Variants in TIA1 observed in about 807,000 individuals in gnomAD.
TIA1 encodes the protein cytotoxic granule associated RNA binding protein TIA1.
TIA1 carries 23 observed loss-of-function variants against 65.9 expected under a neutral mutation model. The ratio of observed to expected loss-of-function variants is 0.35; its 90% CI spans 0.25 to 0.49. The LOEUF (loss-of-function observed/expected upper bound fraction) is 0.49. Among genes scored for constraint, TIA1 ranks in the 20% least tolerant of loss-of-function variants. The probability of loss-of-function intolerance (pLI) is 0.98; values close to 1 mark genes in which losing one functional copy is unlikely to be tolerated. For synonymous variants in TIA1, 147 were observed against 149.4 expected, an observed-to-expected ratio of 0.98 and a Z score of 0.12; for missense variants, 371 against 477.9, an observed-to-expected ratio of 0.78 and a Z score of 2.09.
chr2:70,217,784 C>A (rs1472613578), intron 7 of TIA1, among the ~76,000 whole-genome samples: 1 of 152,116 alleles, frequency 6.6e-6, no homozygotes, highest in African/African-American at 2.4e-5. Context: ...CATGCTCAAC[C>A]CAATGGTGCT....
At chr2:70,225,626 T>C (rs765474472) in intron 6 of TIA1, among the ~76,000 whole-genome samples, 2 of 152,196 alleles carry the variant, frequency 1.3e-5, no homozygotes, top group Non-Finnish European at 2.9e-5. Context: ...TATTAAAGTA[T>C]ACATAAGCAT....
chr2:70,238,420 G>A (rs1470797913), intron 1 of TIA1, among the ~76,000 whole-genome samples: 4 of 150,786 alleles, frequency 2.7e-5, no homozygotes, highest in Non-Finnish European at 3.0e-5. Context: ...ACAGGCGCCC[G>A]CCACCACGCC....
chr2:70,220,245 A>G (rs1231455316), intron 7 of TIA1, among the ~76,000 whole-genome samples: 1 of 152,018 alleles, frequency 6.6e-6, no homozygotes, highest in Non-Finnish European at 1.5e-5. Context: ...CTGTCTCTAC[A>G]AAAAATAGAA....
chr2:70,230,161 T>C (rs890842688), intron 3 of TIA1, among the ~76,000 whole-genome samples: 3 of 148,550 alleles, frequency 2.0e-5, no homozygotes, highest in African/African-American at 5.0e-5. Context: ...GAGAATGGCA[T>C]GAACCCGGAA....
intron 7 of TIA1, chr2:70,224,332 A>C: frequency 1.9e-6 from 1 of 540,182 alleles, no homozygotes; most frequent in Non-Finnish European, 3.2e-6. Flanking sequence ...TGATAATTTA[A>C]ACAACTTTAC....
chr2:70,231,629 T>C (rs972297277), intron 2 of TIA1, among the ~76,000 whole-genome samples: 2 of 152,214 alleles, frequency 1.3e-5, no homozygotes, highest in Non-Finnish European at 1.5e-5. Context: ...TAAGTTTGAC[T>C]GAACTCCTAA....
intron 1 of TIA1, among the ~76,000 whole-genome samples, chr2:70,240,932 A>G (rs1173787782): frequency 6.6e-6 from 1 of 152,142 alleles, no homozygotes; most frequent in Non-Finnish European, 1.5e-5. Flanking sequence ...TACAATCAAT[A>G]ATGTTTAAAT....
At chr2:70,218,316 A>C (rs969541043) in intron 7 of TIA1, among the ~76,000 whole-genome samples, 3 of 152,264 alleles carry the variant, frequency 2.0e-5, no homozygotes, top group African/African-American at 7.2e-5. Flanking sequence ...TTTGGTATGC[A>C]TCTGAAAGCA....
intron 2 of TIA1, among the ~76,000 whole-genome samples, chr2:70,234,251 C>A (rs1286518798): frequency 6.6e-6 from 1 of 152,136 alleles, no homozygotes; most frequent in African/African-American, 2.4e-5. Context: ...GCATTTATGA[C>A]AATGTATTAA....
intron 2 of TIA1, among the ~76,000 whole-genome samples, chr2:70,234,184 T>G (rs936812863): frequency 6.6e-6 from 1 of 152,226 alleles, no homozygotes; most frequent in African/African-American, 2.4e-5. Context: ...CAGCCTTGCT[T>G]TGCCTCATTT....
At chr2:70,247,895 T>G (rs1430551314) in intron 1 of TIA1, among the ~76,000 whole-genome samples, 1 of 151,524 alleles carries the variant, frequency 6.6e-6, no homozygotes, top group Non-Finnish European at 1.5e-5. Context: ...TAAAGTTTAC[T>G]GCACTGAAAA....
intron 11 of TIA1, among the ~76,000 whole-genome samples, 160 bp from the exon 12 acceptor site, chr2:70,214,654 A>C (rs1006971083): frequency 2.8e-4 from 42 of 151,988 alleles, no homozygotes; most frequent in Admixed American, 1.2e-3. Context: ...AAAAAAAAAA[A>C]AAAACAAAAA....
At chr2:70,226,870 A>AGG (rs1023065450) in intron 6 of TIA1, among the ~76,000 whole-genome samples, 11 of 152,204 alleles carry the variant, frequency 7.2e-5, no homozygotes, top group African/African-American at 2.6e-4. Flanking sequence ...ACATCCCCTA[A>AGG]TCAAGGAACG....
chr2:70,231,520 A>G (rs1686286897), intron 2 of TIA1, among the ~76,000 whole-genome samples: 1 of 152,158 alleles, frequency 6.6e-6, no homozygotes, highest in African/African-American at 2.4e-5. Context: ...AGGTTATACT[A>G]TAGTACTATA....
intron 2 of TIA1, among the ~76,000 whole-genome samples, chr2:70,233,740 T>C (rs1369318536): frequency 1.3e-5 from 2 of 150,310 alleles, no homozygotes; most frequent in African/African-American, 4.9e-5. Context: ...CACTCCAGCC[T>C]GGGCAACAGA....
rs1489739740 is a variant in TIA1 at position 70,214,355 on chromosome 2, C to T, written c.1028G>A (p.Gly343Glu). 2 of 1,611,346 alleles carry T rather than the reference C, an allele frequency of 1.2e-6. No individual in the cohort carries two copies. The highest frequency in any genetic ancestry group is 2.2e-5 in the East Asian group (1 of 44,822). The stretch of plus-strand genomic sequence containing the variant: ...AGACATAAGATATGCTTACTTAAAT[C>T]CTTGCTGGTTCCATGCCTGGCCATA... Reference protein sequence around the residue: ...GMYGQAWNQQGFNQTQSSAPW... With the variant: ...GMYGQAWNQQEFNQTQSSAPW... Residue 343 changes from glycine (G) to glutamate (E), a missense_variant, in exon 12 of 13, where the codon GGA becomes GAA. Transcript: ENST00000433529.
intron 11 of TIA1, 104 bp downstream of exon 11, chr2:70,215,267 A>G (rs1678082091): frequency 6.8e-7 from 1 of 1,465,554 alleles, no homozygotes; most frequent in Admixed American, 1.8e-5. Context: ...CTTATATACT[A>G]TCATTTTAGC....
chr2:70,237,684 T>A (rs911994824), intron 1 of TIA1, among the ~76,000 whole-genome samples: 1 of 150,094 alleles, frequency 6.7e-6, no homozygotes, highest in African/African-American at 2.5e-5. Flanking sequence ...GCCAACACAG[T>A]GAAACCCCTT....
At chr2:70,240,639 T>C (rs1558945813) in intron 1 of TIA1, among the ~76,000 whole-genome samples, 1 of 151,672 alleles carries the variant, frequency 6.6e-6, no homozygotes. Flanking sequence ...GAGGCCGAGG[T>C]AGGCAGTTCA....
Sources: gnomAD v4.1 joint callset for allele counts (sites outside exome capture counted in the v4.1 genomes callset) on GRCh38, gnomAD v4.1.1 for gene constraint, MANE v1.5 for transcripts, NCBI Gene and HGNC (gene_info 2026-07-23, HGNC 2026-07-21) for gene names.